The following CYFIP2 variants were observed in gnomAD, a reference collection of about 807,000 sequenced individuals.
CYFIP2 encodes the protein cytoplasmic FMR1 interacting protein 2.
In CYFIP2, 29 loss-of-function variants were observed where a neutral mutation model predicts 158.7. The ratio of observed to expected loss-of-function variants is 0.18; its 90% CI spans 0.14 to 0.25. The LOEUF (loss-of-function observed/expected upper bound fraction) is 0.25, where lower values mean the gene tolerates loss of function less well. Among genes scored for constraint, CYFIP2 ranks in the 10% least tolerant of loss-of-function variants. The pLI, the probability that CYFIP2 is intolerant of heterozygous loss-of-function variation, is 1.00. For synonymous variants in CYFIP2, 585 were observed against 617.6 expected (o/e 0.95, Z 0.78); for missense variants, 852 against 1,639.5 (o/e 0.52, Z 8.29).
At chr5:157,295,926 G>A (rs1317383014) in intron 4 of CYFIP2, among the ~76,000 whole-genome samples, 2 of 152,218 alleles carry the variant, frequency 1.3e-5, no homozygotes, top group Non-Finnish European at 2.9e-5. Context: ...GCAGAGCAGG[G>A]GAAATGGGCC....
Position 157,302,908 on chromosome 5 carries a change from G to C in CYFIP2, c.666+18G>C. On this transcript the variant is annotated intron_variant, in intron 7 of 30. Coordinates refer to ENST00000620254, the MANE Select transcript of CYFIP2 (RefSeq NM_001037333.3). The stretch of plus-strand genomic sequence containing the variant: ...TCACCCAGGTGAGGGCAGACTCCTT[G>C]TTAGGCCTGGCCTGATGTCTCGGGG... 1.4e-5 allele frequency: 22 copies of C among 1,555,408 alleles called. No homozygotes were observed. Among genetic ancestry groups the C allele is most frequent in the Non-Finnish European group, 1.9e-5 (22 of 1,148,122 alleles).
intron 23 of CYFIP2, chr5:157,343,547 G>A (rs1178669597): frequency 6.5e-7 from 1 of 1,539,378 alleles, no homozygotes; most frequent in Non-Finnish European, 8.8e-7. Flanking sequence ...CCCGATTCTG[G>A]AACCAGAATC....
intron 26 of CYFIP2, among the ~76,000 whole-genome samples, chr5:157,371,155 G>T (rs1446594394): frequency 6.6e-6 from 1 of 152,180 alleles, no homozygotes. Flanking sequence ...TTTCTTGCCT[G>T]CTTCACAGGC....
At chr5:157,375,529 C>G (rs1765377351) in intron 26 of CYFIP2, among the ~76,000 whole-genome samples, 1 of 152,094 alleles carries the variant, frequency 6.6e-6, no homozygotes, top group Admixed American at 6.5e-5. Flanking sequence ...CTATGAGACT[C>G]TGTTATATTC....
chr5:157,373,128 A>C (rs1765146084), intron 26 of CYFIP2, among the ~76,000 whole-genome samples: 1 of 152,076 alleles, frequency 6.6e-6, no homozygotes, highest in Non-Finnish European at 1.5e-5. Flanking sequence ...CAAACTCCCA[A>C]CTTTGACCCA....
In CYFIP2 at chr5:157,375,268, T is replaced by A. The variant is rs909871903; in HGVS notation, c.3040-7322T>A. Among the ~76,000 whole-genome samples, 6 of 152,226 alleles carry A rather than the reference T, an allele frequency of 3.9e-5. No homozygotes were observed. The East Asian group carries it at 1.2e-3, about 29-fold the overall frequency. ...CCATAGCTCTGGTTTATCACCCATT[T>A]CTTCATTTAATAAGAAGTATTGCTC... On this transcript the variant is annotated intron_variant, in intron 26 of 30. Coordinates refer to ENST00000620254, the MANE Select transcript of CYFIP2 (RefSeq NM_001037333.3).
intron 23 of CYFIP2, among the ~76,000 whole-genome samples, chr5:157,357,448 G>T (rs1212514132): frequency 6.6e-6 from 1 of 152,184 alleles, no homozygotes; most frequent in African/African-American, 2.4e-5. Flanking sequence ...GAATTTCAGT[G>T]AATGGAATAT....
intron 28 of CYFIP2, chr5:157,384,686 TC>T: frequency 5.6e-6 from 2 of 357,666 alleles, no homozygotes; most frequent in Non-Finnish European, 1.1e-5. Flanking sequence ...ACACCTGTAA[TC>T]CCAGCACTTT....
At chr5:157,389,622 T>G (rs1398920316) in intron 29 of CYFIP2, 195 bp downstream of exon 29, 8 of 570,288 alleles carry the variant, frequency 1.4e-5, no homozygotes, top group Non-Finnish European at 2.5e-5. Context: ...AGACCCTCAC[T>G]GCCTGCCTCA....
intron 29 of CYFIP2, 139 bp downstream of exon 29, chr5:157,389,566 A>G: frequency 1.4e-6 from 1 of 733,766 alleles, no homozygotes; most frequent in Middle Eastern, 3.1e-4. Context: ...GAGTGTGTTG[A>G]GCTGACTGCA....
intron 9 of CYFIP2, among the ~76,000 whole-genome samples, 169 bp downstream of exon 9, chr5:157,308,034 C>T (rs1759390213): frequency 6.6e-6 from 1 of 152,102 alleles, no homozygotes; most frequent in Non-Finnish European, 1.5e-5. Flanking sequence ...GGCAGGGCCT[C>T]CAGCTGCCAT....
intron 28 of CYFIP2, among the ~76,000 whole-genome samples, chr5:157,386,358 C>T (rs1355499660): frequency 6.6e-6 from 1 of 152,048 alleles, no homozygotes; most frequent in Non-Finnish European, 1.5e-5. Flanking sequence ...GCTGGGATGA[C>T]AGGCGCACAA....
At chr5:157,327,867 G>A in intron 18 of CYFIP2, 106 bp from the exon 19 acceptor site, 1 of 1,053,638 alleles carries the variant, frequency 9.5e-7, no homozygotes, top group Non-Finnish European at 1.4e-6. Flanking sequence ...TCTTTCCCCA[G>A]AATGCACTCT....
At chr5:157,274,003 C>T (rs538998617) in intron 1 of CYFIP2, among the ~76,000 whole-genome samples, 2 of 152,012 alleles carry the variant, frequency 1.3e-5, no homozygotes, top group African/African-American at 4.8e-5. Context: ...GGCATGGTGG[C>T]AGGTGCCTGT....
At chr5:157,286,361 T>A (rs942097967) in intron 2 of CYFIP2, among the ~76,000 whole-genome samples, 4 of 150,184 alleles carry the variant, frequency 2.7e-5, no homozygotes, top group African/African-American at 4.9e-5. Context: ...TGTGTATATA[T>A]ATGCATATAT....
At chr5:157,277,858 G>GGAT (rs1756687546) in intron 1 of CYFIP2, among the ~76,000 whole-genome samples, 1 of 152,136 alleles carries the variant, frequency 6.6e-6, no homozygotes, top group African/African-American at 2.4e-5. Flanking sequence ...ACACAAACCT[G>GGAT]GATGGCATAG....
At chr5:157,349,093 T>C (rs1252174088) in intron 23 of CYFIP2, among the ~76,000 whole-genome samples, 1 of 152,198 alleles carries the variant, frequency 6.6e-6, no homozygotes, top group East Asian at 1.9e-4. Context: ...ATTCCCTCAC[T>C]TTATGTATTT....
intron 1 of CYFIP2, among the ~76,000 whole-genome samples, chr5:157,279,155 A>G (rs752695496): frequency 6.6e-6 from 1 of 152,248 alleles, no homozygotes; most frequent in Non-Finnish European, 1.5e-5. Flanking sequence ...AGTATTCTAC[A>G]TGCTGTAGTT....
intron 11 of CYFIP2, among the ~76,000 whole-genome samples, chr5:157,313,506 T>C (rs1759904213): frequency 1.3e-5 from 2 of 152,292 alleles, no homozygotes; most frequent in East Asian, 3.9e-4. Flanking sequence ...CTAAGTAGAC[T>C]TCAAAAAAGA....
Sources: allele counts gnomAD v4.1 joint callset (sites outside exome capture counted in the v4.1 genomes callset), GRCh38; gene constraint gnomAD v4.1.1; transcripts MANE v1.5; gene names NCBI Gene and HGNC (gene_info 2026-07-23, HGNC 2026-07-21).